Variants in C1orf21 observed in about 807,000 individuals in gnomAD.
The protein encoded by C1orf21 is uncharacterized protein C1orf21.
Under a neutral mutation model 18.7 loss-of-function variants are expected in C1orf21, and 3 were observed. That is an observed-to-expected ratio of 0.16 (90% CI 0.07 to 0.42). The LOEUF (loss-of-function observed/expected upper bound fraction) is 0.42, where lower values mean the gene tolerates loss of function less well. C1orf21 is among the 10% of genes least tolerant of loss of function. The pLI is 0.99. For synonymous variants in C1orf21, 41 were observed against 46.4 expected, an observed-to-expected ratio of 0.88 and a Z score of 0.47; for missense variants, 104 against 143.6, an observed-to-expected ratio of 0.72 and a Z score of 1.41.
At chr1:184,433,007 G>A (rs936711594) in intron 1 of C1orf21, among the ~76,000 whole-genome samples, 2 of 152,146 alleles carry the variant, frequency 1.3e-5, no homozygotes, top group Non-Finnish European at 2.9e-5. Context: ...GACCCAAGAG[G>A]TACATGCTAC....
At chr1:184,605,912 C>G (rs961348795) in intron 5 of C1orf21, among the ~76,000 whole-genome samples, 9 of 152,156 alleles carry the variant, frequency 5.9e-5, no homozygotes, top group African/African-American at 2.2e-4. Flanking sequence ...TTGGGATGGG[C>G]TTGTTGGGGG....
intron 3 of C1orf21, among the ~76,000 whole-genome samples, chr1:184,569,383 G>C (rs139438663): frequency 6.6e-6 from 1 of 152,160 alleles, no homozygotes; most frequent in Non-Finnish European, 1.5e-5. Flanking sequence ...TTTCCAGAGC[G>C]TGGTTGAAAG....
chr1:184,538,515 T>C (rs1658595361), intron 3 of C1orf21, among the ~76,000 whole-genome samples: 1 of 152,212 alleles, frequency 6.6e-6, no homozygotes, highest in Non-Finnish European at 1.5e-5. Context: ...TTGGTGTCAT[T>C]GCCAATAAAT....
chr1:184,536,862 G>C (rs182024201), intron 3 of C1orf21, among the ~76,000 whole-genome samples: 80 of 135,768 alleles, frequency 5.9e-4, no homozygotes, highest in African/African-American at 2.1e-3. Flanking sequence ...AAAAAAAAAA[G>C]ATTACTTTCC....
chr1:184,389,816 A>T (rs1276804285), intron 1 of C1orf21, among the ~76,000 whole-genome samples: 1 of 152,034 alleles, frequency 6.6e-6, no homozygotes, highest in Non-Finnish European at 1.5e-5. Context: ...AGGCTGGGAG[A>T]GGGAATGTCA....
At chr1:184,553,708 G>C (rs1471352108) in intron 3 of C1orf21, among the ~76,000 whole-genome samples, 1 of 152,124 alleles carries the variant, frequency 6.6e-6, no homozygotes, top group Non-Finnish European at 1.5e-5. Context: ...ATTACCAATG[G>C]ACTCATCACA....
At chr1:184,411,706 G>A (rs957100422) in intron 1 of C1orf21, among the ~76,000 whole-genome samples, 1 of 152,190 alleles carries the variant, frequency 6.6e-6, no homozygotes, top group Admixed American at 6.5e-5. Flanking sequence ...GCAGGCGTGA[G>A]CCACCGCGCC....
Position 184,622,557 on chromosome 1 carries a change from G to A in C1orf21, c.*3001G>A, listed in dbSNP as rs555746541. On this transcript the variant is annotated 3_prime_UTR_variant, in exon 6 of 6. Transcript: ENST00000235307. ...CCTTAAAAAAGGCCTTTACCTCAGC[G>A]ATGCTTCCTAGCCCCAGGCTTGCAG... The A allele has an allele frequency of 5.9e-5, 9 of 152,820 alleles. No individual in the cohort carries two copies. In the South Asian group the frequency reaches 6.2e-4, roughly 11 times the overall value. The allele number at this position is 152,820 out of a possible 1,614,324, so 9.5% of individuals were successfully genotyped here. A position where few individuals can be genotyped will look rare whatever the true frequency, so the allele number is the denominator to read the frequency against.
chr1:184,417,072 T>G (rs1656464209), intron 1 of C1orf21, among the ~76,000 whole-genome samples: 1 of 152,104 alleles, frequency 6.6e-6, no homozygotes, highest in African/African-American at 2.4e-5. Flanking sequence ...AATGAAAATC[T>G]CTTGTGGGGT....
chr1:184,396,360 A>G (rs772728116), intron 1 of C1orf21, among the ~76,000 whole-genome samples: 4 of 152,142 alleles, frequency 2.6e-5, no homozygotes, highest in Admixed American at 6.5e-5. Flanking sequence ...CTGAAAATGG[A>G]GAAAGGGGAC....
intron 1 of C1orf21, among the ~76,000 whole-genome samples, chr1:184,399,451 C>T (rs1243073097): frequency 6.7e-6 from 1 of 149,770 alleles, no homozygotes; most frequent in Non-Finnish European, 1.5e-5. Context: ...CAGCCTCTGC[C>T]TCCTGGGCTC....
intron 3 of C1orf21, among the ~76,000 whole-genome samples, chr1:184,543,935 G>A (rs1658693790): frequency 6.6e-6 from 1 of 152,094 alleles, no homozygotes; most frequent in African/African-American, 2.4e-5. Flanking sequence ...AGACATAGTT[G>A]AGTTCATATT....
chr1:184,584,036 G>A (rs935962252), intron 3 of C1orf21, among the ~76,000 whole-genome samples: 16 of 151,800 alleles, frequency 1.1e-4, no homozygotes, highest in Admixed American at 8.5e-4. Context: ...TGCTTTATCC[G>A]AGCTGCTGCT....
intron 1 of C1orf21, among the ~76,000 whole-genome samples, chr1:184,443,878 G>C (rs188714500): frequency 1.3e-3 from 194 of 152,232 alleles, no homozygotes; most frequent in Non-Finnish European, 2.1e-3. Context: ...GTCCCTGCTG[G>C]GGAGGAGGTA....
rs796839461 is a variant in C1orf21, at chr1:184,624,334, C to A, written c.*4778C>A. 18 of 152,608 alleles carry A rather than the reference C, an allele frequency of 1.2e-4. No individual in the cohort carries two copies. Among genetic ancestry groups the A allele is most frequent in the African/African-American group, 4.3e-4 (18 of 41,500 alleles). The allele number at this position is 152,608 out of a possible 1,614,324, so 9.5% of individuals were successfully genotyped here. A position where few individuals can be genotyped will look rare whatever the true frequency, so the allele number is the denominator to read the frequency against. On this transcript the variant is annotated 3_prime_UTR_variant, in exon 6 of 6. Coordinates refer to ENST00000235307, the MANE Select transcript of C1orf21 (RefSeq NM_030806.4). ...TGGCTAACAGTAGGACTTCAGTGCC[C>A]TGAGGAAAAGGCTTTGGGAATTTAG...
intron 3 of C1orf21, among the ~76,000 whole-genome samples, chr1:184,579,046 C>T (rs12073813): frequency 7.6e-6 from 1 of 131,278 alleles, no homozygotes; most frequent in Non-Finnish European, 1.6e-5. Context: ...CTTTAAAGTT[C>T]TTTTTTTTTT....
intron 3 of C1orf21, among the ~76,000 whole-genome samples, chr1:184,571,265 C>G (rs550736948): frequency 1.7e-3 from 246 of 144,486 alleles, no homozygotes; most frequent in Non-Finnish European, 2.4e-3. Flanking sequence ...CCACTGCACT[C>G]CAGCCTGGGC....
intron 1 of C1orf21, among the ~76,000 whole-genome samples, chr1:184,433,690 C>G (rs936839082): frequency 1.7e-4 from 26 of 152,044 alleles, no homozygotes; most frequent in African/African-American, 6.0e-4. Context: ...TCCAGTATAT[C>G]AAAAATATTA....
At chr1:184,568,242 C>A (rs1362540737) in intron 3 of C1orf21, among the ~76,000 whole-genome samples, 7 of 152,206 alleles carry the variant, frequency 4.6e-5, no homozygotes, top group Admixed American at 3.9e-4. Flanking sequence ...AATTTATCAT[C>A]TTAATCATTT....
Sources: allele counts gnomAD v4.1 joint callset (sites outside exome capture counted in the v4.1 genomes callset), GRCh38; gene constraint gnomAD v4.1.1; transcripts MANE v1.5; gene names NCBI Gene and HGNC (gene_info 2026-07-23, HGNC 2026-07-21).